Variants in SCN7A observed in about 807,000 individuals in gnomAD.
SCN7A encodes sodium voltage-gated channel alpha subunit 7.
SCN7A carries 138 observed loss-of-function variants against 155.2 expected under a neutral mutation model. The observed-to-expected ratio is 0.89, with a 90% CI of 0.77 to 1.02. The LOEUF (loss-of-function observed/expected upper bound fraction) is 1.02. Among genes scored for constraint, SCN7A ranks in the 50% least tolerant of loss-of-function variants. The pLI, the probability that SCN7A is intolerant of heterozygous loss-of-function variation, is 0.00. For synonymous variants in SCN7A, 693 were observed against 649.0 expected (o/e 1.07, Z -1.03); for missense variants, 2,058 against 1,986.6 (o/e 1.04, Z -0.68).
chr2:166,439,070 T>C (rs945932344), intron 15 of SCN7A, among the ~76,000 whole-genome samples: 1 of 146,588 alleles, frequency 6.8e-6, no homozygotes, highest in Non-Finnish European at 1.5e-5. Context: ...TATATATATA[T>C]ATATATATAG....
At chr2:166,412,149 G>A (rs999580990) in intron 23 of SCN7A, among the ~76,000 whole-genome samples, 2 of 151,976 alleles carry the variant, frequency 1.3e-5, no homozygotes, top group South Asian at 4.2e-4. Context: ...TGTCCATGCT[G>A]GCTGACTGTG....
At chr2:166,428,435 G>A (rs985593946) in intron 17 of SCN7A, among the ~76,000 whole-genome samples, 3 of 151,996 alleles carry the variant, frequency 2.0e-5, no homozygotes, top group Non-Finnish European at 4.4e-5. Flanking sequence ...GTTCTTAGGT[G>A]GCATGAAAAT....
At chr2:166,410,098 G>T (rs977765400) in intron 24 of SCN7A, 122 bp downstream of exon 24, 2 of 1,102,654 alleles carry the variant, frequency 1.8e-6, no homozygotes, top group Non-Finnish European at 2.5e-6. Context: ...CAAACAAAAT[G>T]ACCATGAAAA....
At position 166,462,260 on chromosome 2, in the gene SCN7A, CTCTTT is replaced by C. The variant is rs1478880089; in HGVS notation, c.1083+124_1083+128del. 7.1e-6 allele frequency: 7 copies of C among 986,958 alleles called. No individual in the cohort carries two copies. The African/African-American group carries it at 1.1e-4, about 16-fold the overall frequency. 61.1% of individuals were successfully genotyped at this position (986,958 alleles called of 1,614,324 possible). A position where few individuals can be genotyped will look rare whatever the true frequency, so the allele number is the denominator to read the frequency against. ...AATTTGACATTCAGTAATTCTAGTT[CTCTTT>C]TCTTTTGTCTTCCAATTCTTCTGCA... On this transcript the variant is annotated intron_variant, in intron 10 of 25. Coordinates refer to ENST00000643258, the MANE Select transcript of SCN7A (RefSeq NM_002976.4).
In SCN7A at chr2:166,409,857, G is replaced by A. The variant is rs1039633285; in HGVS notation, c.3790C>T (p.Gln1264Ter). The change falls in exon 25 of 26, where the codon CAA becomes TAA. Residue 1264 changes from glutamine to a stop codon, truncating the protein, a stop_gained. Coordinates refer to ENST00000643258, the MANE Select transcript of SCN7A (RefSeq NM_002976.4). LOFTEE classifies it high-confidence loss of function. ...GTGTCTATCATCATGGCTATTGCTT[G>A]GAAACATATAAGAACCATAACAATG... is the stretch of plus-strand genomic sequence containing the variant. ...NVIVMVLICF[Q>*]AIAMMIDTDV... 5 of 1,570,062 alleles carry A rather than the reference G, an allele frequency of 3.2e-6. No homozygotes were observed. Among genetic ancestry groups the A allele is most frequent in the Non-Finnish European group, 4.3e-6 (5 of 1,155,490 alleles).
chr2:166,460,252 A>C (rs1702372631), intron 10 of SCN7A, among the ~76,000 whole-genome samples: 1 of 152,196 alleles, frequency 6.6e-6, no homozygotes, highest in African/African-American at 2.4e-5. Context: ...ACAAACGCTA[A>C]CAAGAAAATT....
At chr2:166,447,450 G>T (rs927751516) in intron 12 of SCN7A, among the ~76,000 whole-genome samples, 162 bp downstream of exon 12, 11 of 152,216 alleles carry the variant, frequency 7.2e-5, no homozygotes, top group African/African-American at 2.4e-4. Context: ...AAAACACCAT[G>T]ATTCTAAAAT....
chr2:166,414,267 C>A (rs1482114244), intron 21 of SCN7A, among the ~76,000 whole-genome samples: 44 of 28,318 alleles, frequency 1.6e-3, no homozygotes, highest in African/African-American at 3.9e-3. Flanking sequence ...TATATATACA[C>A]ACACATATAT....
intron 21 of SCN7A, among the ~76,000 whole-genome samples, chr2:166,413,981 G>GTGTGTGTATA (rs1553513525): frequency 1.9e-5 from 1 of 53,526 alleles, no homozygotes; most frequent in East Asian, 4.2e-4. Flanking sequence ...ATGTGTATGT[G>GTGTGTGTATA]TATATATATA....
chr2:166,427,814 C>A lies in SCN7A; in HGVS notation c.2827G>T (p.Val943Phe), dbSNP rs1211368222. The A allele has an allele frequency of 1.2e-6, 2 of 1,611,340 alleles. No individual in the cohort carries two copies. The highest frequency in any genetic ancestry group is 1.7e-6 in the Non-Finnish European group (2 of 1,178,722). ...NNWFKCFIGL[V>F]TLLSTGTLAF... Reference sequence around the variant, plus strand: ...AGAGTGCCAGTGCTGAGCAGAGTAACAAGCCCAATAAAACACTTAAACCAA... The same window carrying A: ...AGAGTGCCAGTGCTGAGCAGAGTAAAAAGCCCAATAAAACACTTAAACCAA... The change falls in exon 18 of 26, where the codon GTT becomes TTT. Residue 943 changes from valine (V) to phenylalanine (F), a missense_variant. Physicochemically the swap from Val to Phe is conservative, Grantham distance 50. Coordinates refer to ENST00000643258, the MANE Select transcript of SCN7A (RefSeq NM_002976.4).
At position 166,465,774 on chromosome 2, in the gene SCN7A, T is replaced by G; in HGVS notation, c.871+7A>C. 6.2e-7 allele frequency: 1 copy of G among 1,613,242 alleles called. No individual in the cohort carries two copies. Among genetic ancestry groups the G allele is most frequent in the Non-Finnish European group, 8.5e-7 (1 of 1,179,290 alleles). On this transcript the variant is annotated splice_region_variant and intron_variant, in intron 8 of 25. Coordinates refer to ENST00000643258, the MANE Select transcript of SCN7A (RefSeq NM_002976.4). ...ATTTTTGATATACATGGCAAGGTGA[T>G]TCTTACCTCGAATATAATATGGGTT...
At chr2:166,407,149 C>G (rs536513749) in intron 25 of SCN7A, among the ~76,000 whole-genome samples, 1 of 152,054 alleles carries the variant, frequency 6.6e-6, no homozygotes, top group African/African-American at 2.4e-5. Flanking sequence ...AATATAATTA[C>G]AGAAATGTCT....
At chr2:166,475,030 A>G (rs78170796) in intron 3 of SCN7A, among the ~76,000 whole-genome samples, 38 of 113,720 alleles carry the variant, frequency 3.3e-4, no homozygotes, top group Non-Finnish European at 6.0e-4. Context: ...GTGTGTGTGT[A>G]TATATATATA....
intron 23 of SCN7A, among the ~76,000 whole-genome samples, chr2:166,412,228 A>G (rs1199828725): frequency 6.6e-6 from 1 of 152,146 alleles, no homozygotes; most frequent in African/African-American, 2.4e-5. Context: ...TTGTGAAGAT[A>G]GAAAATTTTA....
intron 7 of SCN7A, among the ~76,000 whole-genome samples, chr2:166,467,720 GTA>G (rs1702568147): frequency 6.6e-6 from 1 of 151,348 alleles, no homozygotes; most frequent in Admixed American, 6.6e-5. Flanking sequence ...TAATTTTCTG[GTA>G]TAACTTCCTC....
intron 11 of SCN7A, among the ~76,000 whole-genome samples, chr2:166,452,485 TAGAC>T (rs1247586110): frequency 3.3e-5 from 5 of 152,168 alleles, no homozygotes; most frequent in African/African-American, 7.2e-5. Context: ...TTCATGAAGA[TAGAC>T]ACTCTATTTG....
intron 19 of SCN7A, 32 bp from the exon 20 acceptor site, chr2:166,421,329 G>A: frequency 2.5e-6 from 3 of 1,190,932 alleles, no homozygotes; most frequent in Non-Finnish European, 3.5e-6. Flanking sequence ...AGAGTGAATA[G>A]GATTCCATAT....
Position 166,443,171 on chromosome 2 carries a change from T to A in SCN7A, c.1800+332A>T, listed in dbSNP as rs150942545. On this transcript the variant is annotated intron_variant, in intron 14 of 25. Transcript: ENST00000643258. ...CTGACATTTAGAAATACTCACCTTA[T>A]TTCGGCTTCTTGGTGACATATTAGA... Among the ~76,000 whole-genome samples, 399 of 152,322 alleles carry A rather than the reference T, an allele frequency of 2.6e-3. 2 individuals carry two copies. Among genetic ancestry groups the A allele is most frequent in the Middle Eastern group, 0.01 (3 of 294 alleles).
chr2:166,456,172 A>G (rs966403308), intron 11 of SCN7A, among the ~76,000 whole-genome samples: 5 of 152,110 alleles, frequency 3.3e-5, no homozygotes, highest in Admixed American at 3.3e-4. Flanking sequence ...GCACATGGGC[A>G]CAGGGAGGGG....
Sources: gnomAD v4.1 joint callset for allele counts (sites outside exome capture counted in the v4.1 genomes callset) on GRCh38, gnomAD v4.1.1 for gene constraint, MANE v1.5 for transcripts, NCBI Gene and HGNC (gene_info 2026-07-23, HGNC 2026-07-21) for gene names.